The following CSMD2 variants were observed in gnomAD, a reference collection of about 807,000 sequenced individuals.
CSMD2 encodes the protein CUB and Sushi multiple domains 2, also known as CUB and sushi domain-containing protein 2.
Under a neutral mutation model 398.5 loss-of-function variants are expected in CSMD2, and 130 were observed. The ratio of observed to expected loss-of-function variants is 0.33; its 90% CI spans 0.28 to 0.38. The LOEUF (loss-of-function observed/expected upper bound fraction) is 0.38, where lower values mean the gene tolerates loss of function less well. CSMD2 is among the 10% of genes least tolerant of loss of function. The pLI is 1.00. For synonymous variants in CSMD2, 1,828 were observed against 1,908.5 expected, an observed-to-expected ratio of 0.96 and a Z score of 1.10; for missense variants, 3,829 against 4,764.9, an observed-to-expected ratio of 0.80 and a Z score of 5.78.
intron 2 of CSMD2, among the ~76,000 whole-genome samples, chr1:34,050,820 C>G (rs1653086608): frequency 6.6e-6 from 1 of 151,942 alleles, no homozygotes; most frequent in Admixed American, 6.6e-5. Context: ...AATGCTCCCA[C>G]CAGGTGTCAC....
chr1:33,957,237 C>G (rs1006970839), intron 3 of CSMD2, among the ~76,000 whole-genome samples: 3 of 152,170 alleles, frequency 2.0e-5, no homozygotes, highest in Admixed American at 6.5e-5. Flanking sequence ...GGGAGCCTCT[C>G]TGACTCATTC....
intron 6 of CSMD2, among the ~76,000 whole-genome samples, chr1:33,836,455 C>T (rs1462364032): frequency 6.6e-6 from 1 of 152,180 alleles, no homozygotes; most frequent in Admixed American, 6.5e-5. Flanking sequence ...TACCCTGTCC[C>T]CAAAGGTGGA....
At chr1:33,646,917 T>A (rs970796075) in intron 28 of CSMD2, 82 bp from the exon 29 acceptor site, 1 of 1,376,686 alleles carries the variant, frequency 7.3e-7, no homozygotes, top group East Asian at 2.6e-5. Context: ...AACCAAAGCA[T>A]AGGGCCTCCC....
At chr1:33,708,581 T>C (rs1645880643) in intron 22 of CSMD2, among the ~76,000 whole-genome samples, 1 of 150,824 alleles carries the variant, frequency 6.6e-6, no homozygotes, top group South Asian at 2.1e-4. Context: ...CATTGGCTGC[T>C]CCAACCGAAC....
At chr1:33,756,907 C>A (rs201294538) in intron 13 of CSMD2, among the ~76,000 whole-genome samples, 2,864 of 152,068 alleles carry the variant, frequency 0.019, 36 homozygotes, top group South Asian at 0.029. Flanking sequence ...GGAACCAACC[C>A]AAATGTCCAA....
intron 10 of CSMD2, among the ~76,000 whole-genome samples, chr1:33,794,212 C>G (rs1203334973): frequency 2.0e-5 from 3 of 152,206 alleles, no homozygotes; most frequent in Non-Finnish European, 4.4e-5. Context: ...ACACTGCCCT[C>G]ATTCATAAGC....
chr1:34,083,854 G>A (rs1657547070), intron 2 of CSMD2, among the ~76,000 whole-genome samples: 1 of 152,108 alleles, frequency 6.6e-6, no homozygotes, highest in South Asian at 2.1e-4. Flanking sequence ...AGGAGACAGA[G>A]ATTGCAGTGA....
intron 6 of CSMD2, 120 bp downstream of exon 6, chr1:33,846,764 G>A (rs1258012568): frequency 4.4e-5 from 23 of 524,522 alleles, no homozygotes; most frequent in South Asian, 6.5e-5. Context: ...AAATAGAAAC[G>A]TACAAAGAAG....
At chr1:33,963,393 T>C (rs1301855718) in intron 3 of CSMD2, among the ~76,000 whole-genome samples, 2 of 152,256 alleles carry the variant, frequency 1.3e-5, no homozygotes, top group African/African-American at 2.4e-5. Context: ...ATAATTGGCA[T>C]ATATTTAAAG....
intron 6 of CSMD2, among the ~76,000 whole-genome samples, chr1:33,828,225 G>A (rs994522255): frequency 6.6e-6 from 1 of 152,194 alleles, no homozygotes; most frequent in Non-Finnish European, 1.5e-5. Context: ...ATGGACACAC[G>A]ATCAAACAGA....
chr1:33,864,730 G>A (rs1639850183), intron 5 of CSMD2: 1 of 1,610,948 alleles, frequency 6.2e-7, no homozygotes, highest in Non-Finnish European at 8.5e-7. Flanking sequence ...CGGTGCAGAG[G>A]GAAAAGAGTC....
chr1:33,819,308 T>C (rs1274797625), intron 9 of CSMD2, among the ~76,000 whole-genome samples: 1 of 152,130 alleles, frequency 6.6e-6, no homozygotes, highest in East Asian at 1.9e-4. Flanking sequence ...TCTGTTGCAA[T>C]ATGGGGAAAG....
At chr1:33,780,475 C>A (rs891128207) in intron 12 of CSMD2, among the ~76,000 whole-genome samples, 1 of 152,190 alleles carries the variant, frequency 6.6e-6, no homozygotes, top group African/African-American at 2.4e-5. Context: ...ATTCTTCCCT[C>A]CCCATCTCCT....
intron 5 of CSMD2, among the ~76,000 whole-genome samples, chr1:33,898,283 G>T (rs1642523026): frequency 6.6e-6 from 1 of 152,162 alleles, no homozygotes; most frequent in African/African-American, 2.4e-5. Flanking sequence ...AAGAGATAAA[G>T]CACTGCAAAT....
At chr1:33,574,934 G>A (rs557272966) in intron 49 of CSMD2, among the ~76,000 whole-genome samples, 37 of 152,338 alleles carry the variant, frequency 2.4e-4, no homozygotes, top group Admixed American at 2.2e-3. Context: ...TGCATGGAGA[G>A]TCAATCCAGG....
At chr1:33,590,835 T>TG (rs1389944053) in intron 44 of CSMD2, among the ~76,000 whole-genome samples, 2 of 152,070 alleles carry the variant, frequency 1.3e-5, no homozygotes, top group Non-Finnish European at 1.5e-5. Context: ...TCGTGAACGG[T>TG]GGGGGCAATT....
intron 55 of CSMD2, among the ~76,000 whole-genome samples, chr1:33,555,350 G>T (rs1376386027): frequency 2.0e-5 from 3 of 152,148 alleles, no homozygotes; most frequent in African/African-American, 7.2e-5. Flanking sequence ...CAAAGAAAGT[G>T]GTTTCCTGAG....
At chr1:33,726,771 CAA>C in intron 15 of CSMD2, 86 bp from the exon 16 acceptor site, 1 of 1,388,686 alleles carries the variant, frequency 7.2e-7, no homozygotes, top group Non-Finnish European at 9.6e-7. Flanking sequence ...ATGTGTCAGG[CAA>C]TAAGTATAGT....
chr1:33,793,171 G>A (rs964128438), intron 10 of CSMD2, among the ~76,000 whole-genome samples: 3 of 152,224 alleles, frequency 2.0e-5, no homozygotes, highest in Non-Finnish European at 4.4e-5. Context: ...CCACAGCACT[G>A]GGGTGGGATG....
Sources: gnomAD v4.1 joint callset for allele counts (sites outside exome capture counted in the v4.1 genomes callset) on GRCh38, gnomAD v4.1.1 for gene constraint, MANE v1.5 for transcripts, NCBI Gene and HGNC (gene_info 2026-07-23, HGNC 2026-07-21) for gene names.